DPP10: variants seen among roughly 807,000 people sequenced by gnomAD.
DPP10 encodes the protein inactive dipeptidyl peptidase 10.
Under a neutral mutation model 120.9 loss-of-function variants are expected in DPP10, and 33 were observed. That is an observed-to-expected ratio of 0.27 (90% confidence interval 0.21 to 0.37). The LOEUF (loss-of-function observed/expected upper bound fraction) is 0.37, where lower values mean the gene tolerates loss of function less well. DPP10 is among the 10% of genes least tolerant of loss of function. DPP10 has a pLI of 1.00. For missense variants in DPP10, 816 were observed against 942.8 expected, an observed-to-expected ratio of 0.87 and a Z score of 1.76; for synonymous variants, 337 against 326.1, an observed-to-expected ratio of 1.03 and a Z score of -0.36.
chr2:115,464,136 T>C (rs1472729673), intron 3 of DPP10, among the ~76,000 whole-genome samples: 1 of 152,160 alleles, frequency 6.6e-6, no homozygotes, highest in Admixed American at 6.6e-5. Flanking sequence ...TACTCTAGAT[T>C]ACCCTGAAAT....
intron 5 of DPP10, among the ~76,000 whole-genome samples, chr2:115,573,645 T>C (rs1448136568): frequency 3.5e-5 from 5 of 141,310 alleles, no homozygotes; most frequent in Non-Finnish European, 6.0e-5. Context: ...TGGAGTGCAG[T>C]AGCGCAATCT....
intron 1 of DPP10, among the ~76,000 whole-genome samples, chr2:115,116,237 A>G (rs1273844726): frequency 6.6e-6 from 1 of 152,176 alleles, no homozygotes; most frequent in East Asian, 1.9e-4. Context: ...TATTTCGTTA[A>G]TGGATTTATT....
chr2:115,457,162 G>T (rs1311127836), intron 3 of DPP10, among the ~76,000 whole-genome samples: 1 of 151,752 alleles, frequency 6.6e-6, no homozygotes, highest in Non-Finnish European at 1.5e-5. Flanking sequence ...GCAATTCAAT[G>T]AAGGAAAGAA....
chr2:114,572,225 G>A (rs1215465249), intron 1 of DPP10, among the ~76,000 whole-genome samples: 1 of 151,968 alleles, frequency 6.6e-6, no homozygotes, highest in East Asian at 1.9e-4. Flanking sequence ...TAATACAGTT[G>A]GAAGTAACCA....
At chr2:115,747,727 G>A (rs376087758) in intron 10 of DPP10, among the ~76,000 whole-genome samples, 1 of 151,838 alleles carries the variant, frequency 6.6e-6, no homozygotes, top group Admixed American at 6.6e-5. Context: ...CTGAATAGCT[G>A]GGAGTACAGG....
At chr2:114,835,940 T>A (rs993988110) in intron 1 of DPP10, among the ~76,000 whole-genome samples, 7 of 152,136 alleles carry the variant, frequency 4.6e-5, no homozygotes, top group African/African-American at 1.7e-4. Flanking sequence ...ATTGAGTGAG[T>A]AATAATAGCC....
chr2:115,145,288 C>A (rs1313324627), intron 1 of DPP10, among the ~76,000 whole-genome samples: 3 of 152,130 alleles, frequency 2.0e-5, no homozygotes, highest in Non-Finnish European at 4.4e-5. Context: ...GTTTCCCATT[C>A]TCTGCCTATT....
chr2:114,748,658 G>C (rs1166430131), intron 1 of DPP10, among the ~76,000 whole-genome samples: 1 of 69,752 alleles, frequency 1.4e-5, no homozygotes, highest in Non-Finnish European at 2.6e-5. Flanking sequence ...GCGGTGTTTG[G>C]TTTTTTGTTC....
At chr2:115,286,353 TTAAC>T (rs2060371302) in intron 1 of DPP10, among the ~76,000 whole-genome samples, 1 of 150,464 alleles carries the variant, frequency 6.6e-6, no homozygotes, top group Non-Finnish European at 1.5e-5. Flanking sequence ...TTAAAAGCAT[TTAAC>T]TAAGCTTCGT....
intron 1 of DPP10, among the ~76,000 whole-genome samples, chr2:114,822,166 A>G (rs1057115610): frequency 5.3e-5 from 8 of 152,258 alleles, no homozygotes; most frequent in African/African-American, 1.9e-4. Context: ...CTGAACATCC[A>G]GATGTTTTTT....
chr2:115,469,362 G>A (rs1434419986), intron 3 of DPP10, among the ~76,000 whole-genome samples: 1 of 152,104 alleles, frequency 6.6e-6, no homozygotes, highest in East Asian at 1.9e-4. Flanking sequence ...AGATGACACT[G>A]TACAAAGCTA....
At chr2:114,682,284 C>T (rs1369136559) in intron 1 of DPP10, among the ~76,000 whole-genome samples, 1 of 151,862 alleles carries the variant, frequency 6.6e-6, no homozygotes, top group Non-Finnish European at 1.5e-5. Flanking sequence ...TTAGCCAAAT[C>T]CATTCTTAAA....
chr2:115,214,484 C>T (rs151097359), intron 1 of DPP10, among the ~76,000 whole-genome samples: 202 of 152,232 alleles, frequency 1.3e-3, no homozygotes, highest in African/African-American at 4.6e-3. Context: ...TGTTAAGATA[C>T]ACTGAGATCA....
chr2:114,533,938 A>G (rs1686266902), intron 1 of DPP10, among the ~76,000 whole-genome samples: 1 of 152,130 alleles, frequency 6.6e-6, no homozygotes, highest in Non-Finnish European at 1.5e-5. Context: ...ACTTCTAGGA[A>G]CTTCTTTTGA....
chr2:115,576,359 T>A (rs2081654899), intron 5 of DPP10, among the ~76,000 whole-genome samples: 1 of 152,166 alleles, frequency 6.6e-6, no homozygotes, highest in African/African-American at 2.4e-5. Flanking sequence ...AATTGGCAAA[T>A]AAATTCTGCT....
intron 1 of DPP10, among the ~76,000 whole-genome samples, chr2:115,091,165 A>C (rs1709222539): frequency 6.6e-6 from 1 of 152,180 alleles, no homozygotes; most frequent in South Asian, 2.1e-4. Flanking sequence ...AAGCCAGATC[A>C]AGGCAACACC....
intron 1 of DPP10, among the ~76,000 whole-genome samples, chr2:114,892,717 A>C (rs1420808967): frequency 6.7e-6 from 1 of 149,434 alleles, no homozygotes; most frequent in East Asian, 1.9e-4. Context: ...CTGTGAAAAG[A>C]AGTTCTATCA....
At chr2:114,813,734 T>C (rs1032341164) in intron 1 of DPP10, among the ~76,000 whole-genome samples, 28 of 151,848 alleles carry the variant, frequency 1.8e-4, no homozygotes, top group Non-Finnish European at 1.0e-4. Flanking sequence ...TTTTTTTCAC[T>C]GTACAGTTTT....
chr2:115,231,278 A>G (rs2057721996), intron 1 of DPP10, among the ~76,000 whole-genome samples: 1 of 152,106 alleles, frequency 6.6e-6, no homozygotes, highest in Non-Finnish European at 1.5e-5. Flanking sequence ...GAATGTCCAT[A>G]TTCTTTTACT....
Sources: gnomAD v4.1 joint callset for allele counts (sites outside exome capture counted in the v4.1 genomes callset) on GRCh38, gnomAD v4.1.1 for gene constraint, MANE v1.5 for transcripts, NCBI Gene and HGNC (gene_info 2026-07-23, HGNC 2026-07-21) for gene names.